WDR3: variants seen among roughly 807,000 people sequenced by gnomAD.
The protein encoded by WDR3 is WD repeat domain 3.
Under a neutral mutation model 123.7 loss-of-function variants are expected in WDR3, and 81 were observed. The observed-to-expected ratio is 0.65, with a 90% CI of 0.55 to 0.79. WDR3 has a LOEUF of 0.79. Among genes scored for constraint, WDR3 ranks in the 30% least tolerant of loss-of-function variants. The pLI is 0.00. For missense variants in WDR3, 1,027 were observed against 1,123.2 expected (o/e 0.91, Z 1.22); for synonymous variants, 390 against 388.8 (o/e 1.00, Z -0.04).
At chr1:117,947,066 G>A (rs1215153268) in intron 12 of WDR3, among the ~76,000 whole-genome samples, 1 of 152,084 alleles carries the variant, frequency 6.6e-6, no homozygotes, top group Non-Finnish European at 1.5e-5. Flanking sequence ...AGATGGACTG[G>A]TACCAGCCTC....
Position 117,940,958 on chromosome 1 carries a change from C to A in WDR3, c.789+18C>A, listed in dbSNP as rs1651151326. Reference sequence around the variant, plus strand: ...CTGAGGATGTAATTCATTTTCATTTCTTAAGTTTAATTGTGTTGAATAATG... The same window carrying A: ...CTGAGGATGTAATTCATTTTCATTTATTAAGTTTAATTGTGTTGAATAATG... On this transcript the variant is annotated intron_variant, in intron 7 of 26. Coordinates refer to ENST00000349139, the MANE Select transcript of WDR3 (RefSeq NM_006784.3). 1.2e-6 allele frequency: 2 copies of A among 1,601,184 alleles called. No homozygotes were observed. Among genetic ancestry groups the A allele is most frequent in the African/African-American group, 1.4e-5 (1 of 74,062 alleles).
chr1:117,934,340 G>C (rs1650842832), intron 2 of WDR3, 133 bp from the exon 3 acceptor site: 1 of 808,412 alleles, frequency 1.2e-6, no homozygotes, highest in Admixed American at 2.9e-5. Context: ...GGATTGTGGA[G>C]TTTCATTTTT....
intron 12 of WDR3, among the ~76,000 whole-genome samples, chr1:117,947,948 A>G (rs756169695): frequency 3.3e-5 from 5 of 152,112 alleles, no homozygotes; most frequent in Non-Finnish European, 5.9e-5. Context: ...CTTATTGTCA[A>G]TGTATTGCAG....
intron 5 of WDR3, among the ~76,000 whole-genome samples, 156 bp downstream of exon 5, chr1:117,938,714 A>G (rs1023676243): frequency 2.0e-5 from 3 of 152,212 alleles, no homozygotes; most frequent in Admixed American, 6.5e-5. Context: ...GATGGAAGCA[A>G]TGCCAGCCAT....
intron 9 of WDR3, 108 bp downstream of exon 9, chr1:117,941,955 A>G (rs1275278510): frequency 4.2e-6 from 6 of 1,434,048 alleles, no homozygotes; most frequent in Non-Finnish European, 5.4e-6. Context: ...AATTACCATT[A>G]AAAGTTAAAG....
Position 117,955,397 on chromosome 1 carries a change from G to A in WDR3, c.2453+39G>A, listed in dbSNP as rs1652054190. 5.6e-6 allele frequency: 9 copies of A among 1,594,244 alleles called. No individual in the cohort carries two copies. The East Asian group carries it at 2.0e-4, about 36-fold the overall frequency. Reference sequence around the variant, plus strand: ...TGCGCACAATTTTTGTAATCTGTCAGCAAACATTTATGAAGTGCTTATCTG... The same window carrying A: ...TGCGCACAATTTTTGTAATCTGTCAACAAACATTTATGAAGTGCTTATCTG... On this transcript the variant is annotated intron_variant, in intron 24 of 26. Transcript: ENST00000349139.
chr1:117,943,533 G>T lies in WDR3; in HGVS notation c.1235G>T (p.Gly412Val). The stretch of plus-strand genomic sequence containing the variant: ...GTCAGGACAAGCAGAATCACTATTG[G>T]GGGTCATCGCAGTGATGTGCGGACT... ...QPVRTSRITI[G>V]GHRSDVRTLS... The change falls in exon 11 of 27, where the codon GGG (glycine) becomes GTG (valine). Residue 412 changes from glycine (G) to valine (V), a missense_variant. By Grantham distance (109) the Gly-to-Val change is moderately radical. Transcript: ENST00000349139. 6.2e-7 allele frequency: 1 copy of T among 1,614,006 alleles called. No individual in the cohort carries two copies. Among genetic ancestry groups the T allele is most frequent in the Non-Finnish European group, 8.5e-7 (1 of 1,180,022 alleles).
At chr1:117,952,839 A>AT in intron 19 of WDR3, 107 bp from the exon 20 acceptor site, 1 of 1,443,584 alleles carries the variant, frequency 6.9e-7, no homozygotes, top group African/African-American at 1.4e-5. Context: ...TAAAGATGCC[A>AT]TTAGGGTATT....
At chr1:117,942,889 G>GTTTTTTTTTTTTTT (rs751258995) in intron 10 of WDR3, among the ~76,000 whole-genome samples, 1 of 116,756 alleles carries the variant, frequency 8.6e-6, no homozygotes. Flanking sequence ...TCTGAGCCTA[G>GTTTTTTTTTTTTTT]TTTTTTTTTT....
chr1:117,950,256 T>G lies in WDR3; in HGVS notation c.1746+126T>G, dbSNP rs370641139. On this transcript the variant is annotated intron_variant, in intron 15 of 26. Coordinates refer to ENST00000349139, the MANE Select transcript of WDR3 (RefSeq NM_006784.3). ...TAGTACATTTCTAAAAATGTGTGTGTGAATCAAAGCAATGTAACTATGCTA... is the reference window on the plus strand; with the variant it reads ...TAGTACATTTCTAAAAATGTGTGTGGGAATCAAAGCAATGTAACTATGCTA... The G allele has an allele frequency of 7.3e-5, 84 of 1,157,204 alleles. 1 individual carries two copies. The East Asian group carries it at 1.2e-3, about 16-fold the overall frequency. 71.7% of individuals were successfully genotyped at this position (1,157,204 alleles called of 1,614,324 possible). A position where few individuals can be genotyped will look rare whatever the true frequency, so the allele number is the denominator to read the frequency against.
intron 12 of WDR3, 40 bp from the exon 13 acceptor site, chr1:117,948,365 G>A (rs373551378): frequency 1.0e-4 from 156 of 1,559,578 alleles, no homozygotes; most frequent in Middle Eastern, 8.4e-4. Flanking sequence ...GAGGTTGTAC[G>A]TATGTTCATT....
rs1653321121 is a variant in WDR3 at position 117,963,119 on chromosome 1, A to C, written c.*3672A>C. On this transcript the variant is annotated 3_prime_UTR_variant, in exon 27 of 27. Transcript: ENST00000349139. ...CTGGTATGTTTTTAGAACACAGTAC[A>C]CATTGTGTAACAGTCACTGAGCCCA... The C allele has an allele frequency of 6.6e-6, 1 of 152,178 alleles. No individual in the cohort carries two copies. The highest frequency in any genetic ancestry group is 2.4e-5 in the African/African-American group (1 of 41,438). The allele number at this position is 152,178 out of a possible 1,614,324, so 9.4% of individuals were successfully genotyped here.
At chr1:117,956,431 T>G (rs4658973) in intron 24 of WDR3, among the ~76,000 whole-genome samples, 51,954 of 152,094 alleles carry the variant, frequency 0.34, 10,599 homozygotes, top group Non-Finnish European at 0.46. Flanking sequence ...AAACAACACT[T>G]GTCTTAGGAT....
intron 13 of WDR3, 140 bp downstream of exon 13, chr1:117,948,646 A>AC: frequency 2.0e-6 from 1 of 497,124 alleles, no homozygotes; most frequent in Non-Finnish European, 3.4e-6. Context: ...GCCTTCTTAT[A>AC]AATGACCACC....
At position 117,943,630 on chromosome 1, in the gene WDR3, C is replaced by A; in HGVS notation, c.1328+4C>A. The A allele has an allele frequency of 1.2e-6, 2 of 1,613,132 alleles. No individual in the cohort carries two copies. The highest frequency in any genetic ancestry group is 1.1e-5 in the South Asian group (1 of 90,962). ...ATTCCATTAAAATATGGAACAGGTT[C>A]GTGAAATGATGTTTTATATAGCTGT... is the stretch of plus-strand genomic sequence containing the variant. On this transcript the variant is annotated splice_donor_region_variant and intron_variant, in intron 11 of 26. Transcript: ENST00000349139.
chr1:117,943,898 C>T (rs187994458), intron 11 of WDR3, among the ~76,000 whole-genome samples: 125 of 151,896 alleles, frequency 8.2e-4, no homozygotes, highest in African/African-American at 2.9e-3. Context: ...ACTCTTTAAA[C>T]TTAATAAAAA....
Position 117,963,609 on chromosome 1 carries a change from C to A in WDR3, c.*4162C>A. The A allele has an allele frequency of 2.5e-6, 1 of 395,512 alleles. No homozygotes were observed. The allele number at this position is 395,512 out of a possible 1,614,324, so 24.5% of individuals were successfully genotyped here. A position where few individuals can be genotyped will look rare whatever the true frequency, so the allele number is the denominator to read the frequency against. ...TCGATCTCCTGACCTTGTGATCCAC[C>A]CACCTCGGCCTCCCAAAGTGCTGGG... On this transcript the variant is annotated 3_prime_UTR_variant, in exon 27 of 27. Transcript: ENST00000349139.
chr1:117,933,062 G>T (rs1650790337), intron 1 of WDR3, among the ~76,000 whole-genome samples: 1 of 151,716 alleles, frequency 6.6e-6, no homozygotes, highest in Admixed American at 6.6e-5. Context: ...AAATTAGCCG[G>T]GTATGGTGGC....
In WDR3 at chr1:117,936,905, T is replaced by C; in HGVS notation, c.500+18T>C. 1 of 1,589,814 alleles carries C rather than the reference T, an allele frequency of 6.3e-7. No homozygotes were observed. Reference sequence around the variant, plus strand: ...GTTACTAGGTAAAGAAATAATGGTTTAATTTCCAGTTATTTTCTAGGAAGA... The same window carrying C: ...GTTACTAGGTAAAGAAATAATGGTTCAATTTCCAGTTATTTTCTAGGAAGA... On this transcript the variant is annotated intron_variant, in intron 4 of 26. Coordinates refer to ENST00000349139, the MANE Select transcript of WDR3 (RefSeq NM_006784.3).
Sources: gnomAD v4.1 joint callset for allele counts (sites outside exome capture counted in the v4.1 genomes callset) on GRCh38, gnomAD v4.1.1 for gene constraint, MANE v1.5 for transcripts, NCBI Gene and HGNC (gene_info 2026-07-23, HGNC 2026-07-21) for gene names.